Variants in PPFIBP1 observed in about 807,000 individuals in gnomAD.
PPFIBP1 encodes liprin-beta-1.
In PPFIBP1, 112 loss-of-function variants were observed where a neutral mutation model predicts 137.8. The ratio of observed to expected loss-of-function variants is 0.81; its 90% CI spans 0.70 to 0.95. PPFIBP1 has a LOEUF of 0.95. Among genes scored for constraint, PPFIBP1 ranks in the 40% least tolerant of loss-of-function variants. The probability of loss-of-function intolerance (pLI) is 0.00; values close to 1 mark genes in which losing one functional copy is unlikely to be tolerated. For synonymous variants in PPFIBP1, 378 were observed against 417.3 expected (o/e 0.91, Z 1.15); for missense variants, 1,083 against 1,196.6 (o/e 0.91, Z 1.40).
chr12:27,613,634 C>T (rs976130349), intron 2 of PPFIBP1, among the ~76,000 whole-genome samples: 1 of 149,666 alleles, frequency 6.7e-6, no homozygotes. Flanking sequence ...ACCTGGGAGG[C>T]AGAGGTTGCC....
At chr12:27,652,426 G>A (rs770271057) in intron 7 of PPFIBP1, among the ~76,000 whole-genome samples, 1 of 152,188 alleles carries the variant, frequency 6.6e-6, no homozygotes, top group Non-Finnish European at 1.5e-5. Context: ...AGGGAAAAGA[G>A]AAAGGGAACA....
At chr12:27,584,681 A>G (rs774311151) in intron 2 of PPFIBP1, among the ~76,000 whole-genome samples, 6 of 152,212 alleles carry the variant, frequency 3.9e-5, no homozygotes, top group Non-Finnish European at 8.8e-5. Context: ...AGCCAGACCA[A>G]TGTTTTTAAA....
At chr12:27,557,399 C>A (rs1165275759) in intron 1 of PPFIBP1, among the ~76,000 whole-genome samples, 1 of 151,982 alleles carries the variant, frequency 6.6e-6, no homozygotes, top group Non-Finnish European at 1.5e-5. Flanking sequence ...CCACGCCTGG[C>A]TAATTTTGTG....
intron 2 of PPFIBP1, among the ~76,000 whole-genome samples, chr12:27,602,343 A>C (rs553895411): frequency 1.3e-5 from 2 of 152,354 alleles, no homozygotes; most frequent in African/African-American, 4.8e-5. Context: ...TGATGATTTC[A>C]TGTATGCATA....
intron 1 of PPFIBP1, among the ~76,000 whole-genome samples, chr12:27,545,589 C>G (rs1186159114): frequency 6.6e-6 from 1 of 152,190 alleles, no homozygotes; most frequent in African/African-American, 2.4e-5. Flanking sequence ...TTAGCACTCC[C>G]ACGAGCTATA....
chr12:27,672,481 T>C lies in PPFIBP1; in HGVS notation c.1317T>C (p.Leu439=). The change falls in exon 15 of 30, where the codon CTT becomes CTC. Residue 439 remains leucine (L), a splice_region_variant and synonymous_variant. Coordinates refer to ENST00000228425, the MANE Select transcript of PPFIBP1 (RefSeq NM_003622.4). Reference sequence around the variant, plus strand: ...TTGATACCCAACTGTGTGATAAACTTTTGTAAGTTACATTTTATTGAATGT... The same window carrying C: ...TTGATACCCAACTGTGTGATAAACTCTTGTAAGTTACATTTTATTGAATGT... ...ATVDTQLCDK[L]LTSSLQKSSS... 6.2e-7 allele frequency: 1 copy of C among 1,600,754 alleles called. No individual in the cohort carries two copies. Among genetic ancestry groups the C allele is most frequent in the Non-Finnish European group, 8.6e-7 (1 of 1,168,576 alleles).
At chr12:27,535,483 G>A (rs748883256) in intron 1 of PPFIBP1, among the ~76,000 whole-genome samples, 1 of 152,066 alleles carries the variant, frequency 6.6e-6, no homozygotes, top group Admixed American at 6.5e-5. Context: ...GTGTGGTCAC[G>A]GCTCATTGCA....
intron 2 of PPFIBP1, among the ~76,000 whole-genome samples, chr12:27,596,613 C>G (rs1461532478): frequency 1.3e-5 from 2 of 152,310 alleles, no homozygotes; most frequent in Non-Finnish European, 2.9e-5. Context: ...CCTCAAACTC[C>G]TGGCCTCAAG....
intron 3 of PPFIBP1, among the ~76,000 whole-genome samples, chr12:27,634,616 A>G (rs547630600): frequency 3.8e-4 from 58 of 152,164 alleles, no homozygotes; most frequent in African/African-American, 1.3e-3. Context: ...CTTATCCATC[A>G]TCTTCATGAG....
chr12:27,554,063 C>T (rs1005381724), intron 1 of PPFIBP1, among the ~76,000 whole-genome samples: 1 of 152,218 alleles, frequency 6.6e-6, no homozygotes, highest in Non-Finnish European at 1.5e-5. Flanking sequence ...TGACAGCACC[C>T]ATCTGGTTAA....
At chr12:27,602,463 A>T (rs2054100963) in intron 2 of PPFIBP1, among the ~76,000 whole-genome samples, 1 of 152,226 alleles carries the variant, frequency 6.6e-6, no homozygotes, top group African/African-American at 2.4e-5. Context: ...AAGTATATAA[A>T]AGAATATTAA....
chr12:27,597,388 T>G (rs1426415754), intron 2 of PPFIBP1, among the ~76,000 whole-genome samples: 1 of 152,122 alleles, frequency 6.6e-6, no homozygotes, highest in Admixed American at 6.5e-5. Flanking sequence ...ACCCCTGACC[T>G]CGTGATCCAC....
chr12:27,654,457 T>G (rs770797094), intron 7 of PPFIBP1: 30 of 284,424 alleles, frequency 1.1e-4, no homozygotes, highest in Non-Finnish European at 1.9e-4. Flanking sequence ...TTACACTACC[T>G]TTCTTAATCA....
At chr12:27,607,194 A>C (rs541160645) in intron 2 of PPFIBP1, among the ~76,000 whole-genome samples, 28 of 152,358 alleles carry the variant, frequency 1.8e-4, no homozygotes, top group African/African-American at 6.7e-4. Flanking sequence ...TGAACATGCT[A>C]ACGTAACTTA....
In PPFIBP1 at chr12:27,650,117, T is replaced by C. The variant is rs774425862; in HGVS notation, c.579T>C (p.Tyr193=). The change falls in exon 7 of 30, where the codon TAT becomes TAC. Residue 193 remains tyrosine (Y), a synonymous_variant. Transcript: ENST00000228425. Reference sequence around the variant, plus strand: ...CTGTAGAGAAGGACAGATTGGATTATGAAGATAAGTTCAGAGACACAGAGG... The same window carrying C: ...CTGTAGAGAAGGACAGATTGGATTACGAAGATAAGTTCAGAGACACAGAGG... The part of the protein sequence containing the change: ...LTAVEKDRLD[Y]EDKFRDTEGL... 2.5e-6 allele frequency: 4 copies of C among 1,607,890 alleles called. No homozygotes were observed. The highest frequency in any genetic ancestry group is 1.7e-5 in the Admixed American group (1 of 59,962).
Position 27,598,117 on chromosome 12 carries a change from T to C in PPFIBP1, c.-36+19878T>C, listed in dbSNP as rs561594691. On this transcript the variant is annotated intron_variant, in intron 2 of 29. Transcript: ENST00000228425. ...ACTATGCCCAGCTAGAAGTTTTACT[T>C]ATTTGTACCATTTCTCTATGATATA... 1.1e-4 allele frequency among the ~76,000 whole-genome samples: 17 copies of C among 152,294 alleles called. 1 individual carries two copies. The highest frequency in any genetic ancestry group is 3.6e-4 in the African/African-American group (15 of 41,570).
At chr12:27,615,604 T>A (rs1291291439) in intron 2 of PPFIBP1, among the ~76,000 whole-genome samples, 1 of 152,240 alleles carries the variant, frequency 6.6e-6, no homozygotes, top group Non-Finnish European at 1.5e-5. Context: ...ACAGTAATAA[T>A]CTTGGGTTAT....
In PPFIBP1 at chr12:27,587,769, T is replaced by A. The variant is rs1455830069; in HGVS notation, c.-36+9530T>A. 2.0e-5 allele frequency among the ~76,000 whole-genome samples: 3 copies of A among 152,154 alleles called. No individual in the cohort carries two copies. In the East Asian group the frequency reaches 5.8e-4, roughly 29 times the overall value. ...TCTCTCTGTCTTTTTTTTCCTGGAC[T>A]ACTTGAAAGTAAGTTGCAGATATCA... On this transcript the variant is annotated intron_variant, in intron 2 of 29. Transcript: ENST00000228425.
chr12:27,679,764 T>C (rs1349584753), intron 20 of PPFIBP1, 125 bp downstream of exon 20: 1 of 1,390,000 alleles, frequency 7.2e-7, no homozygotes, highest in African/African-American at 1.5e-5. Context: ...TGGATTGTGA[T>C]GTGGGATTTA....
Sources: allele counts gnomAD v4.1 joint callset (sites outside exome capture counted in the v4.1 genomes callset), GRCh38; gene constraint gnomAD v4.1.1; transcripts MANE v1.5; gene names NCBI Gene and HGNC (gene_info 2026-07-23, HGNC 2026-07-21).